Variants in SMAD3 observed in about 807,000 individuals in gnomAD.
SMAD3 encodes the protein MAD homolog 3.
SMAD3 carries 12 observed loss-of-function variants against 51.8 expected under a neutral mutation model. That is an observed-to-expected ratio of 0.23 (90% CI 0.15 to 0.38). The LOEUF is 0.38. Ranked by LOEUF, SMAD3 falls within the 10% of genes least tolerant of loss-of-function variation. The pLI is 1.00. For missense variants in SMAD3, 294 were observed against 565.6 expected (o/e 0.52, Z 4.87); for synonymous variants, 238 against 227.7 (o/e 1.05, Z -0.41).
chr15:67,127,422 A>G (rs762525528), intron 1 of SMAD3, among the ~76,000 whole-genome samples: 5 of 152,208 alleles, frequency 3.3e-5, no homozygotes, highest in African/African-American at 4.8e-5. Context: ...TCCTCCAGGA[A>G]GCATTCCCAG....
intron 1 of SMAD3, among the ~76,000 whole-genome samples, chr15:67,134,213 C>G (rs1448271082): frequency 6.6e-6 from 1 of 152,066 alleles, no homozygotes; most frequent in African/African-American, 2.4e-5. Context: ...CCCACCAAGC[C>G]AGTCACCCAC....
intron 1 of SMAD3, among the ~76,000 whole-genome samples, chr15:67,151,208 G>A (rs1418982320): frequency 6.6e-6 from 1 of 151,994 alleles, no homozygotes; most frequent in African/African-American, 2.4e-5. Context: ...GCCCAGATTT[G>A]TGTTTCAGTT....
chr15:67,091,195 T>TC (rs1407481395), intron 1 of SMAD3, among the ~76,000 whole-genome samples: 1 of 152,176 alleles, frequency 6.6e-6, no homozygotes, highest in African/African-American at 2.4e-5. Context: ...CTGAACCAAG[T>TC]CCCCTTATTC....
intron 1 of SMAD3, among the ~76,000 whole-genome samples, chr15:67,088,179 C>G (rs1960434467): frequency 6.6e-6 from 1 of 152,230 alleles, no homozygotes; most frequent in South Asian, 2.1e-4. Context: ...GGTTGGTTTT[C>G]TGTAGTCCCA....
At chr15:67,155,197 C>T (rs1406195345) in intron 1 of SMAD3, among the ~76,000 whole-genome samples, 2 of 152,180 alleles carry the variant, frequency 1.3e-5, no homozygotes, top group African/African-American at 4.8e-5. Context: ...TGTCGCCTCA[C>T]CAGGACATTT....
At chr15:67,152,435 G>A (rs1185531957) in intron 1 of SMAD3, among the ~76,000 whole-genome samples, 1 of 152,190 alleles carries the variant, frequency 6.6e-6, no homozygotes, top group Admixed American at 6.5e-5. Context: ...CCCAGAATGA[G>A]AAGATGGGTC....
chr15:67,142,613 C>T, intron 1 of SMAD3: 1 of 267,092 alleles, frequency 3.7e-6, no homozygotes, highest in Non-Finnish European at 7.6e-6. Flanking sequence ...TCTCAGGCTT[C>T]TGGATAGACA....
intron 1 of SMAD3, among the ~76,000 whole-genome samples, chr15:67,074,144 C>T (rs1960116417): frequency 6.6e-6 from 1 of 152,202 alleles, no homozygotes; most frequent in Non-Finnish European, 1.5e-5. Flanking sequence ...ATTTCCCTCC[C>T]TCTTCCTTGC....
intron 1 of SMAD3, chr15:67,147,077 C>T (rs1451446267): frequency 2.0e-5 from 3 of 152,290 alleles, no homozygotes; most frequent in Non-Finnish European, 4.4e-5. Context: ...CACTTCCCGT[C>T]GTCAACTCTT....
At position 67,194,072 on chromosome 15, in the gene SMAD3, C is replaced by T. The variant is rs1963439111; in HGVS notation, c.*3536C>T. ...GACTGTTCACCAAGGGGGATACCAG[C>T]AGCAAGAGAGTGCACCCGTTTAGCC... is the stretch of plus-strand genomic sequence containing the variant. On this transcript the variant is annotated 3_prime_UTR_variant, in exon 9 of 9. Coordinates refer to ENST00000327367, the MANE Select transcript of SMAD3 (RefSeq NM_005902.4). 1 of 233,228 alleles carries T rather than the reference C, an allele frequency of 4.3e-6. No individual in the cohort carries two copies. Among genetic ancestry groups the T allele is most frequent in the South Asian group, 1.8e-4 (1 of 5,532 alleles). The allele number at this position is 233,228 out of a possible 1,614,324, so 14.4% of individuals were successfully genotyped here.
rs1432305540 is a variant in SMAD3, at chr15:67,190,610, T to C, written c.*74T>C. 3.4e-6 allele frequency: 5 copies of C among 1,466,880 alleles called. No homozygotes were observed. Among genetic ancestry groups the C allele is most frequent in the Non-Finnish European group, 4.8e-6 (5 of 1,049,750 alleles). The allele number at this position is 1,466,880 out of a possible 1,614,324, so 90.9% of individuals were successfully genotyped here. ...CAGGAGGTGGAGAAAATTGGAACTC[T>C]ACTCAACCCATTGTTGTCAAGGAAG... On this transcript the variant is annotated 3_prime_UTR_variant, in exon 9 of 9. Coordinates refer to ENST00000327367, the MANE Select transcript of SMAD3 (RefSeq NM_005902.4).
rs560849755 is a variant in SMAD3 at position 67,194,951 on chromosome 15, T to C, written c.*4415T>C. Reference sequence around the variant, plus strand: ...GTGTGGAGGGATGGGGAATAGAACATTGACTGTGTTGATTACCTTCACTAT... The same window carrying C: ...GTGTGGAGGGATGGGGAATAGAACACTGACTGTGTTGATTACCTTCACTAT... On this transcript the variant is annotated 3_prime_UTR_variant, in exon 9 of 9. Coordinates refer to ENST00000327367, the MANE Select transcript of SMAD3 (RefSeq NM_005902.4). 4.7e-5 allele frequency: 11 copies of C among 233,688 alleles called. No homozygotes were observed. Among genetic ancestry groups the C allele is most frequent in the Admixed American group, 1.7e-4 (3 of 17,794 alleles). The allele number at this position is 233,688 out of a possible 1,614,324, so 14.5% of individuals were successfully genotyped here. A position where few individuals can be genotyped will look rare whatever the true frequency, so the allele number is the denominator to read the frequency against.
At chr15:67,132,307 G>C (rs1469392296) in intron 1 of SMAD3, among the ~76,000 whole-genome samples, 16 of 152,126 alleles carry the variant, frequency 1.1e-4, no homozygotes, top group Admixed American at 1.0e-3. Flanking sequence ...GAAGTGAATG[G>C]GGCTTTGAGA....
chr15:67,160,485 A>T (rs1213053384), intron 1 of SMAD3, among the ~76,000 whole-genome samples: 1 of 152,134 alleles, frequency 6.6e-6, no homozygotes, highest in Non-Finnish European at 1.5e-5. Flanking sequence ...AAAAGATTGA[A>T]TTGTTGGCTG....
intron 1 of SMAD3, among the ~76,000 whole-genome samples, chr15:67,124,539 AT>A (rs1439813343): frequency 6.6e-6 from 1 of 152,224 alleles, no homozygotes; most frequent in African/African-American, 2.4e-5. Flanking sequence ...TTCAAAGGGA[AT>A]TAGAAAAAGA....
At chr15:67,180,972 C>A (rs1595956152) in intron 5 of SMAD3, among the ~76,000 whole-genome samples, 1 of 145,858 alleles carries the variant, frequency 6.9e-6, no homozygotes, top group Non-Finnish European at 1.5e-5. Flanking sequence ...CCTTTATGAG[C>A]TAAATAAATA....
intron 1 of SMAD3, among the ~76,000 whole-genome samples, chr15:67,131,134 T>C (rs1423040906): frequency 2.0e-5 from 3 of 152,226 alleles, no homozygotes; most frequent in African/African-American, 7.2e-5. Flanking sequence ...GCCAGAATGA[T>C]TTCGGCAGGA....
rs868363770 is a variant in SMAD3 at position 67,130,327 on chromosome 15, C to G, written c.207-34568C>G. On this transcript the variant is annotated intron_variant, in intron 1 of 8. Coordinates refer to ENST00000327367, the MANE Select transcript of SMAD3 (RefSeq NM_005902.4). ...ACTCACCTGACCTCCTTCTCTTACACCAGGGGTCCCCAACCCCGGGGCCGT... is the reference window on the plus strand; with the variant it reads ...ACTCACCTGACCTCCTTCTCTTACAGCAGGGGTCCCCAACCCCGGGGCCGT... Among the ~76,000 whole-genome samples the G allele has an allele frequency of 2.0e-5, 3 of 152,196 alleles. No individual in the cohort carries two copies. The South Asian group carries it at 6.2e-4, about 32-fold the overall frequency.
chr15:67,100,486 C>G (rs1328068409), intron 1 of SMAD3, among the ~76,000 whole-genome samples: 2 of 151,888 alleles, frequency 1.3e-5, no homozygotes, highest in Admixed American at 1.3e-4. Flanking sequence ...CCAAATTATA[C>G]ACATTAAAAT....
Sources: gnomAD v4.1 joint callset for allele counts (sites outside exome capture counted in the v4.1 genomes callset) on GRCh38, gnomAD v4.1.1 for gene constraint, MANE v1.5 for transcripts, NCBI Gene and HGNC (gene_info 2026-07-23, HGNC 2026-07-21) for gene names.